Variants in GUCY2C observed in about 807,000 individuals in gnomAD.
The protein encoded by GUCY2C is guanylate cyclase 2C, also known as guanylyl cyclase C.
Under a neutral mutation model 131.1 loss-of-function variants are expected in GUCY2C, and 118 were observed. The ratio of observed to expected loss-of-function variants is 0.90; its 90% confidence interval spans 0.78 to 1.05. The LOEUF (loss-of-function observed/expected upper bound fraction) is 1.05, where lower values mean the gene tolerates loss of function less well. GUCY2C is among the 50% of genes least tolerant of loss of function. The probability of loss-of-function intolerance (pLI) is 0.00; values close to 1 mark genes in which losing one functional copy is unlikely to be tolerated. For missense variants in GUCY2C, 1,161 were observed against 1,304.4 expected (o/e 0.89, Z 1.69); for synonymous variants, 452 against 457.8 (o/e 0.99, Z 0.16).
rs1947452352 is a variant in GUCY2C, at chr12:14,643,559, T to C, written c.1930+15A>G. ...ATCAGTTAGGAAACTAGTGAACATT[T>C]CATTCATTACAGACCCTTTTTTGGA... On this transcript the variant is annotated intron_variant, in intron 17 of 26. Coordinates refer to ENST00000261170, the MANE Select transcript of GUCY2C (RefSeq NM_004963.4). 6.2e-7 allele frequency: 1 copy of C among 1,612,426 alleles called. No individual in the cohort carries two copies. The highest frequency in any genetic ancestry group is 8.5e-7 in the Non-Finnish European group (1 of 1,179,082).
intron 5 of GUCY2C, 89 bp downstream of exon 5, chr12:14,681,267 C>T: frequency 9.1e-7 from 1 of 1,103,712 alleles, no homozygotes; most frequent in Non-Finnish European, 1.4e-6. Flanking sequence ...GATAGCTCTG[C>T]AGTGGAGGAT....
intron 11 of GUCY2C, among the ~76,000 whole-genome samples, chr12:14,658,675 C>T (rs913490502): frequency 1.3e-5 from 2 of 151,526 alleles, no homozygotes; most frequent in East Asian, 3.9e-4. Flanking sequence ...GACTCGGTCT[C>T]AAAAAAATAA....
At chr12:14,628,619 G>A (rs573675184) in intron 20 of GUCY2C, 27 bp downstream of exon 20, 7 of 1,140,900 alleles carry the variant, frequency 6.1e-6, no homozygotes, top group South Asian at 4.9e-5. Flanking sequence ...TGCAATTAGT[G>A]AATAAAAGTA....
intron 18 of GUCY2C, among the ~76,000 whole-genome samples, chr12:14,640,734 A>G (rs1947382729): frequency 6.6e-6 from 1 of 152,208 alleles, no homozygotes; most frequent in South Asian, 2.1e-4. Context: ...TACCCTTAGT[A>G]AGAACTAAAA....
In GUCY2C at chr12:14,683,031, A is replaced by T; in HGVS notation, c.611+11T>A. The T allele has an allele frequency of 6.3e-7, 1 of 1,575,952 alleles. No individual in the cohort carries two copies. The highest frequency in any genetic ancestry group is 8.7e-7 in the Non-Finnish European group (1 of 1,145,510). On this transcript the variant is annotated intron_variant, in intron 4 of 26. Transcript: ENST00000261170. The stretch of plus-strand genomic sequence containing the variant: ...GGCAAGTGCTAGTGAAATATTAATG[A>T]TCCTGCTTACCAGAAACAGTCCTCA...
chr12:14,685,169 T>C (rs1948446021), intron 3 of GUCY2C, among the ~76,000 whole-genome samples: 1 of 152,182 alleles, frequency 6.6e-6, no homozygotes, highest in Non-Finnish European at 1.5e-5. Context: ...ATTTTTCCAA[T>C]CCTCCTTTCC....
chr12:14,640,476 A>AAG (rs935972687), intron 18 of GUCY2C, among the ~76,000 whole-genome samples: 6 of 150,838 alleles, frequency 4.0e-5, no homozygotes, highest in Non-Finnish European at 5.9e-5. Flanking sequence ...AAAAAAAAAA[A>AAG]AAAGAAAGAA....
intron 7 of GUCY2C, among the ~76,000 whole-genome samples, chr12:14,676,167 G>A (rs987374951): frequency 6.6e-6 from 1 of 152,148 alleles, no homozygotes; most frequent in Non-Finnish European, 1.5e-5. Flanking sequence ...TGGGAAGAAT[G>A]CATCTAATAG....
chr12:14,668,757 G>A (rs924041822), intron 10 of GUCY2C, among the ~76,000 whole-genome samples: 2 of 152,002 alleles, frequency 1.3e-5, no homozygotes, highest in Non-Finnish European at 2.9e-5. Context: ...AGCCAGTCAT[G>A]GACAGATTGT....
intron 7 of GUCY2C, among the ~76,000 whole-genome samples, 198 bp downstream of exon 7, chr12:14,676,656 G>C (rs1948240676): frequency 6.6e-6 from 1 of 152,194 alleles, no homozygotes; most frequent in Non-Finnish European, 1.5e-5. Flanking sequence ...CTATAGTTAA[G>C]AGCTTTGATA....
At chr12:14,641,549 C>T (rs1022847097) in intron 17 of GUCY2C, among the ~76,000 whole-genome samples, 1 of 152,054 alleles carries the variant, frequency 6.6e-6, no homozygotes, top group Non-Finnish European at 1.5e-5. Context: ...GGTAAATGCT[C>T]AGTAAATATA....
chr12:14,666,963 C>T (rs1947994276), intron 10 of GUCY2C, among the ~76,000 whole-genome samples: 1 of 151,962 alleles, frequency 6.6e-6, no homozygotes, highest in Non-Finnish European at 1.5e-5. Flanking sequence ...ATATAACGTC[C>T]CTGTAGGATA....
At chr12:14,656,705 G>A in intron 11 of GUCY2C, 88 bp from the exon 12 acceptor site, 1 of 663,416 alleles carries the variant, frequency 1.5e-6, no homozygotes, top group Non-Finnish European at 2.8e-6. Context: ...TAGAACCCTG[G>A]TATGCTCAGG....
intron 10 of GUCY2C, among the ~76,000 whole-genome samples, chr12:14,662,947 A>G (rs1417083556): frequency 3.3e-5 from 5 of 152,180 alleles, no homozygotes; most frequent in African/African-American, 1.2e-4. Flanking sequence ...GATATTTTAT[A>G]TACAATTGAT....
chr12:14,662,835 T>A (rs1947897660), intron 10 of GUCY2C, among the ~76,000 whole-genome samples: 1 of 152,128 alleles, frequency 6.6e-6, no homozygotes, highest in African/African-American at 2.4e-5. Flanking sequence ...ATAAATATTA[T>A]CAACCCTGGC....
intron 10 of GUCY2C, among the ~76,000 whole-genome samples, chr12:14,666,598 G>A (rs1171466632): frequency 6.6e-6 from 1 of 152,030 alleles, no homozygotes; most frequent in Non-Finnish European, 1.5e-5. Flanking sequence ...AGCCGGGCGT[G>A]GCGGCAAACA....
Position 14,613,382 on chromosome 12 carries a change from T to C in GUCY2C, c.3048-91A>G. The stretch of plus-strand genomic sequence containing the variant: ...CAGAATAATCAGTTCAGTTAGTCAG[T>C]TACTCTTTGAATGCCTATTCTGTGC... On this transcript the variant is annotated intron_variant, in intron 26 of 26. Coordinates refer to ENST00000261170, the MANE Select transcript of GUCY2C (RefSeq NM_004963.4). The surrounding 1 kb of genome is among the most constrained non-coding windows in gnomAD (Gnocchi z 4.9). The C allele has an allele frequency of 1.0e-6, 1 of 978,458 alleles. No homozygotes were observed. Among genetic ancestry groups the C allele is most frequent in the Admixed American group, 1.8e-5 (1 of 55,336 alleles). The allele number at this position is 978,458 out of a possible 1,614,324, so 60.6% of individuals were successfully genotyped here.
rs1317514209 is a variant in GUCY2C, at chr12:14,613,646, C to G, written c.3048-355G>C. Among the ~76,000 whole-genome samples, 3 of 152,114 alleles carry G rather than the reference C, an allele frequency of 2.0e-5. No homozygotes were observed. The highest frequency in any genetic ancestry group is 4.4e-5 in the Non-Finnish European group (3 of 68,010). The stretch of plus-strand genomic sequence containing the variant: ...TGAAAACTCATTGGTCCCACACATA[C>G]TTAACAGTGTGAGTCTTGTTTGGGG... On this transcript the variant is annotated intron_variant, in intron 26 of 26. Transcript: ENST00000261170. This position sits in a 1 kb window ranked among gnomAD's most constrained non-coding sequence, Gnocchi z 4.9.
intron 12 of GUCY2C, among the ~76,000 whole-genome samples, chr12:14,655,225 A>G (rs1947740137): frequency 6.6e-6 from 1 of 152,224 alleles, no homozygotes; most frequent in African/African-American, 2.4e-5. Flanking sequence ...TTTTAACACT[A>G]GGTACTTCCA....
Sources: gnomAD v4.1 joint callset for allele counts (sites outside exome capture counted in the v4.1 genomes callset) on GRCh38, gnomAD v4.1.1 for gene constraint, Gnocchi (gnomAD v3.1) non-coding constraint, MANE v1.5 for transcripts, NCBI Gene and HGNC (gene_info 2026-07-23, HGNC 2026-07-21) for gene names.